The following ETV1 variants were observed in gnomAD, a reference collection of about 807,000 sequenced individuals.
The protein encoded by ETV1 is ETS translocation variant 1.
Under a neutral mutation model 62.3 loss-of-function variants are expected in ETV1, and 27 were observed. The ratio of observed to expected loss-of-function variants is 0.43; its 90% CI spans 0.32 to 0.60. The LOEUF is 0.60. Ranked by LOEUF, ETV1 falls within the 20% of genes least tolerant of loss-of-function variation. The probability of loss-of-function intolerance (pLI) is 0.06; values close to 1 mark genes in which losing one functional copy is unlikely to be tolerated. For synonymous variants in ETV1, 222 were observed against 199.6 expected (o/e 1.11, Z -0.94); for missense variants, 605 against 605.8 (o/e 1.00, Z 0.01).
chr7:13,929,181 T>C (rs933894619), intron 9 of ETV1, among the ~76,000 whole-genome samples: 4 of 152,164 alleles, frequency 2.6e-5, no homozygotes, highest in Non-Finnish European at 4.4e-5. Flanking sequence ...GTACTATTTA[T>C]AATAGAGCCC....
intron 6 of ETV1, among the ~76,000 whole-genome samples, chr7:13,957,232 G>C (rs1789581978): frequency 6.6e-6 from 1 of 151,838 alleles, no homozygotes; most frequent in East Asian, 1.9e-4. Flanking sequence ...ACTACAGGCG[G>C]CCGCCACCAT....
At chr7:13,917,344 T>C (rs1784294787) in intron 9 of ETV1, among the ~76,000 whole-genome samples, 1 of 148,894 alleles carries the variant, frequency 6.7e-6, no homozygotes, top group South Asian at 2.2e-4. Flanking sequence ...TGAGACGGAG[T>C]TTCGCTCTTG....
chr7:13,947,056 G>A (rs1408591076), intron 6 of ETV1, among the ~76,000 whole-genome samples: 1 of 152,162 alleles, frequency 6.6e-6, no homozygotes, highest in Non-Finnish European at 1.5e-5. Flanking sequence ...GATTATAGGC[G>A]TGAGCCACCA....
rs1783370454 is a variant in ETV1, at chr7:13,909,716, G to A, written c.872-16C>T. 6.3e-7 allele frequency: 1 copy of A among 1,594,546 alleles called. No individual in the cohort carries two copies. Among genetic ancestry groups the A allele is most frequent in the African/African-American group, 1.3e-5 (1 of 74,434 alleles). On this transcript the variant is annotated splice_polypyrimidine_tract_variant and intron_variant, in intron 10 of 13. Coordinates refer to ENST00000430479, the MANE Select transcript of ETV1 (RefSeq NM_004956.5). The stretch of plus-strand genomic sequence containing the variant: ...AACATACAGCCTGTGGATGAAAAAG[G>A]AATACATTTATTCATGATAGAAATG...
intron 5 of ETV1, among the ~76,000 whole-genome samples, chr7:13,984,382 A>G (rs1782328345): frequency 2.0e-5 from 3 of 151,998 alleles, no homozygotes; most frequent in African/African-American, 4.8e-5. Context: ...AACTAGGGTA[A>G]TTTGGGGATC....
chr7:13,912,988 A>G (rs1434935689), intron 9 of ETV1, among the ~76,000 whole-genome samples: 3 of 152,248 alleles, frequency 2.0e-5, no homozygotes, highest in African/African-American at 7.2e-5. Context: ...ACTTGCCCAG[A>G]AAAATTACTG....
intron 9 of ETV1, among the ~76,000 whole-genome samples, chr7:13,930,037 A>G (rs1194740409): frequency 6.6e-6 from 1 of 152,220 alleles, no homozygotes; most frequent in Non-Finnish European, 1.5e-5. Context: ...AAGAATGCCC[A>G]AACTTTATAT....
rs754217454 is a variant in ETV1, at chr7:13,931,591, T to C, written c.713A>G (p.His238Arg). ...GGCCGCACTGCCAACCATGGTGTTG[T>C]GTTCATACACTGGGTCGTGGTACTC... Reference protein sequence around the residue: ...KQEYHDPVYEHNTMVGSAASQ... With the variant: ...KQEYHDPVYERNTMVGSAASQ... The change falls in exon 9 of 14, where the codon CAC becomes CGC. Residue 238 changes from histidine (H) to arginine (R), a missense_variant. By Grantham distance (29) the His-to-Arg change is conservative. This residue lies in a region of ETV1 where 426 missense variants were observed against 377.8 expected (regional missense o/e 1.13). Transcript: ENST00000430479. The C allele has an allele frequency of 6.2e-7, 1 of 1,614,042 alleles. No homozygotes were observed. Among genetic ancestry groups the C allele is most frequent in the South Asian group, 1.1e-5 (1 of 91,088 alleles).
intron 9 of ETV1, among the ~76,000 whole-genome samples, chr7:13,929,257 A>G (rs970323210): frequency 1.3e-5 from 2 of 152,222 alleles, no homozygotes; most frequent in Non-Finnish European, 2.9e-5. Context: ...AACTGAAACC[A>G]CAATGGGAAT....
At chr7:13,974,632 A>T (rs1170794085) in intron 6 of ETV1, among the ~76,000 whole-genome samples, 2 of 152,252 alleles carry the variant, frequency 1.3e-5, no homozygotes, top group Non-Finnish European at 2.9e-5. Context: ...TGAAATTAAG[A>T]TATTTTTGAA....
Position 13,925,071 on chromosome 7 carries a change from T to C in ETV1, c.802+6431A>G, listed in dbSNP as rs146235060. On this transcript the variant is annotated intron_variant, in intron 9 of 13. Coordinates refer to ENST00000430479, the MANE Select transcript of ETV1 (RefSeq NM_004956.5). Reference sequence around the variant, plus strand: ...GAGTTCTCACCTCTACCCTCTGCTTTTATTTCCTGCTCTCTCTAAGCTCAA... The same window carrying C: ...GAGTTCTCACCTCTACCCTCTGCTTCTATTTCCTGCTCTCTCTAAGCTCAA... Among the ~76,000 whole-genome samples the C allele has an allele frequency of 4.7e-3, 722 of 152,316 alleles. 5 individuals are homozygous for C. Among genetic ancestry groups the C allele is most frequent in the African/African-American group, 0.017 (689 of 41,562 alleles).
intron 9 of ETV1, among the ~76,000 whole-genome samples, chr7:13,914,608 G>C (rs1221323040): frequency 7.8e-6 from 1 of 128,610 alleles, no homozygotes; most frequent in African/African-American, 3.0e-5. Context: ...AAAATACGCA[G>C]ACAAGAAACT....
chr7:13,906,503 T>C lies in ETV1; in HGVS notation c.1037A>G (p.Asp346Gly), dbSNP rs1356187071. The C allele has an allele frequency of 3.1e-6, 5 of 1,611,490 alleles. No individual in the cohort carries two copies. The highest frequency in any genetic ancestry group is 2.2e-5 in the East Asian group (1 of 44,848). ...AATAAAATGAGAATTTGAAGGGTCATCCAGAAGAGCTACCAAAAACTGCCA... is the reference window on the plus strand; with the variant it reads ...AATAAAATGAGAATTTGAAGGGTCACCCAGAAGAGCTACCAAAAACTGCCA... Reference protein sequence around the residue: ...QLWQFLVALLDDPSNSHFIAW... With the variant: ...QLWQFLVALLGDPSNSHFIAW... Residue 346 changes from aspartate (D) to glycine (G), a missense_variant, in exon 12 of 14, where the codon GAT becomes GGT. Physicochemically the swap from Asp to Gly is moderately conservative, Grantham distance 94 (BLOSUM62 -1). Coordinates refer to ENST00000430479, the MANE Select transcript of ETV1 (RefSeq NM_004956.5).
At chr7:13,942,181 G>A (rs1356335087) in intron 6 of ETV1, among the ~76,000 whole-genome samples, 3 of 151,662 alleles carry the variant, frequency 2.0e-5, no homozygotes, top group Non-Finnish European at 2.9e-5. Flanking sequence ...CCGCCACCAC[G>A]CCCGGCTAAC....
chr7:13,922,418 T>A (rs995148685), intron 9 of ETV1, among the ~76,000 whole-genome samples: 1 of 152,134 alleles, frequency 6.6e-6, no homozygotes, highest in Non-Finnish European at 1.5e-5. Flanking sequence ...TAAGATAAAA[T>A]AATGTCTTCA....
At chr7:13,941,393 T>G (rs565311348) in intron 6 of ETV1, among the ~76,000 whole-genome samples, 2 of 152,142 alleles carry the variant, frequency 1.3e-5, no homozygotes, top group Non-Finnish European at 2.9e-5. Flanking sequence ...TTTAAAATAC[T>G]CTAGAAAAAA....
In ETV1 at chr7:13,934,522, C is replaced by A. The variant is rs140229273; in HGVS notation, c.554+1186G>T. Among the ~76,000 whole-genome samples the A allele has an allele frequency of 4.6e-5, 7 of 152,300 alleles. No homozygotes were observed. The East Asian group carries it at 1.4e-3, about 29-fold the overall frequency. Reference sequence around the variant, plus strand: ...TTATTTTTACAACGGTGTCTCAGGGCCAGTTTGCACTGACTTATTGTCAAA... The same window carrying A: ...TTATTTTTACAACGGTGTCTCAGGGACAGTTTGCACTGACTTATTGTCAAA... On this transcript the variant is annotated intron_variant, in intron 8 of 13. Transcript: ENST00000430479.
intron 11 of ETV1, among the ~76,000 whole-genome samples, chr7:13,906,898 T>TA (rs1020484919): frequency 6.6e-6 from 1 of 152,094 alleles, no homozygotes; most frequent in African/African-American, 2.4e-5. Flanking sequence ...TCTTTTTTTT[T>TA]AAATTGATTT....
intron 13 of ETV1, among the ~76,000 whole-genome samples, chr7:13,896,710 A>C (rs545043255): frequency 1.3e-5 from 2 of 150,066 alleles, no homozygotes; most frequent in Non-Finnish European, 3.0e-5. Context: ...GAAAGAAAGA[A>C]AGGAGAGAGA....
Sources: gnomAD v4.1 joint callset for allele counts (sites outside exome capture counted in the v4.1 genomes callset) on GRCh38, gnomAD v4.1.1 for gene constraint, gnomAD v4.1.1 regional missense constraint, MANE v1.5 for transcripts, NCBI Gene and HGNC (gene_info 2026-07-23, HGNC 2026-07-21) for gene names.